SH3KBP1: variants seen among roughly 807,000 people sequenced by gnomAD.
SH3KBP1 encodes SH3 domain containing kinase binding protein 1, also known as SH3 domain-containing kinase-binding protein 1.
In SH3KBP1, 8 loss-of-function variants were observed where a neutral mutation model predicts 50.1. The observed-to-expected ratio is 0.16, with a 90% CI of 0.09 to 0.29. The LOEUF (loss-of-function observed/expected upper bound fraction) is 0.29, where lower values mean the gene tolerates loss of function less well. Ranked by LOEUF, SH3KBP1 falls within the 10% of genes least tolerant of loss-of-function variation. The probability of loss-of-function intolerance (pLI) is 1.00; values close to 1 mark genes in which losing one functional copy is unlikely to be tolerated. For missense variants in SH3KBP1, 377 were observed against 535.2 expected, an observed-to-expected ratio of 0.70 and a Z score of 2.92; for synonymous variants, 227 against 218.6, an observed-to-expected ratio of 1.04 and a Z score of -0.34.
chrX:19,582,035 C>T (rs1428921668), intron 12 of SH3KBP1, among the ~76,000 whole-genome samples: 1 of 111,219 alleles, frequency 9.0e-6, no homozygotes, highest in East Asian at 2.8e-4. Flanking sequence ...CTCCTACCCA[C>T]ATCCTGGTGT....
intron 5 of SH3KBP1, among the ~76,000 whole-genome samples, chrX:19,685,813 A>G (rs1261919241): frequency 2.7e-5 from 3 of 111,581 alleles, no homozygotes; most frequent in Admixed American, 9.5e-5. Context: ...TAAAGAAACC[A>G]TTAGTGGAAA....
intron 2 of SH3KBP1, among the ~76,000 whole-genome samples, chrX:19,751,414 T>C (rs2065062396): frequency 9.0e-6 from 1 of 111,329 alleles, no homozygotes; most frequent in Admixed American, 9.5e-5. Flanking sequence ...ATCTCAGTAG[T>C]AGAGGCCACA....
At chrX:19,689,951 G>A (rs985067903) in intron 5 of SH3KBP1, among the ~76,000 whole-genome samples, 3 of 111,133 alleles carry the variant, frequency 2.7e-5, no homozygotes, top group Non-Finnish European at 3.8e-5. Context: ...TGCAAGGGAC[G>A]CTGAGCAATC....
chrX:19,760,097 C>T (rs1431608858), intron 2 of SH3KBP1, among the ~76,000 whole-genome samples: 2 of 101,911 alleles, frequency 2.0e-5, no homozygotes. Flanking sequence ...CACACACACA[C>T]ACACACTTGG....
chrX:19,776,224 G>A (rs960230425), intron 2 of SH3KBP1, among the ~76,000 whole-genome samples: 3 of 111,649 alleles, frequency 2.7e-5, no homozygotes, highest in South Asian at 3.7e-4. Context: ...AGCCATAAGC[G>A]CCCTGTGCTG....
intron 3 of SH3KBP1, among the ~76,000 whole-genome samples, chrX:19,736,538 G>A (rs2064582160): frequency 8.9e-6 from 1 of 112,314 alleles, no homozygotes; most frequent in Non-Finnish European, 1.9e-5. Flanking sequence ...TCATGCACAG[G>A]CACATGCAGA....
Position 19,848,168 on chromosome X carries a change from G to A in SH3KBP1, c.5-11886C>T, listed in dbSNP as rs144668818. ...TAATCACATTCAGTCTCCAAATACC[G>A]TTTTTCACAAAAAGAAAGCCAGCTA... On this transcript the variant is annotated intron_variant, in intron 1 of 17. Transcript: ENST00000397821. Among the ~76,000 whole-genome samples the A allele has an allele frequency of 1.4e-3, 159 of 111,804 alleles. 1 individual carries two copies. The East Asian group carries it at 0.034, about 24-fold the overall frequency.
intron 2 of SH3KBP1, among the ~76,000 whole-genome samples, chrX:19,765,519 G>A (rs987140902): frequency 1.8e-5 from 2 of 111,095 alleles, no homozygotes; most frequent in African/African-American, 6.6e-5. Context: ...CACTAACTCT[G>A]ATCTTACTGC....
chrX:19,584,327 A>G (rs1246592766), intron 12 of SH3KBP1, among the ~76,000 whole-genome samples: 1 of 99,834 alleles, frequency 1.0e-5, no homozygotes, highest in Non-Finnish European at 2.0e-5. Context: ...ATAAATATAA[A>G]TACACATATA....
In SH3KBP1 at chrX:19,755,654, T is replaced by C. The variant is rs1405046393; in HGVS notation, c.163-9213A>G. ...GAGAGACAGAACGTCTCATATTGTT[T>C]TATACTGTTTTATACTCAGAAAAAG... On this transcript the variant is annotated intron_variant, in intron 2 of 17. Transcript: ENST00000397821. Among the ~76,000 whole-genome samples the C allele has an allele frequency of 8.1e-5, 9 of 111,575 alleles. No homozygotes were observed. In the Admixed American group the frequency reaches 8.5e-4, roughly 11 times the overall value.
intron 9 of SH3KBP1, among the ~76,000 whole-genome samples, chrX:19,602,732 T>TA (rs1221946704): frequency 2.7e-5 from 3 of 111,800 alleles, no homozygotes; most frequent in Non-Finnish European, 5.6e-5. Flanking sequence ...TGATTCTAAA[T>TA]AAAAATTAGG....
intron 3 of SH3KBP1, among the ~76,000 whole-genome samples, chrX:19,721,734 C>G (rs780459997): frequency 2.3e-4 from 26 of 111,634 alleles, no homozygotes; most frequent in Non-Finnish European, 3.2e-4. Flanking sequence ...TGCAGCGGCT[C>G]ACACCTATAA....
intron 13 of SH3KBP1, 123 bp downstream of exon 13, chrX:19,568,980 A>T: frequency 1.7e-6 from 1 of 585,862 alleles, no homozygotes; most frequent in Non-Finnish European, 2.9e-6. Context: ...AAAGCCAAGC[A>T]AGGGTGCCAG....
intron 1 of SH3KBP1, among the ~76,000 whole-genome samples, chrX:19,867,440 TAA>T (rs762189270): frequency 5.5e-4 from 62 of 112,178 alleles, no homozygotes; most frequent in African/African-American, 2.0e-3. Flanking sequence ...CAAAAATAAA[TAA>T]CTCATCCCCA....
intron 1 of SH3KBP1, among the ~76,000 whole-genome samples, chrX:19,885,529 T>TAG (rs1254798664): frequency 8.9e-6 from 1 of 112,014 alleles, no homozygotes. Flanking sequence ...TAGGAAGTTC[T>TAG]GAAGAATGAA....
chrX:19,683,598 T>C (rs1320735229), intron 6 of SH3KBP1, among the ~76,000 whole-genome samples: 2 of 110,873 alleles, frequency 1.8e-5, no homozygotes, highest in African/African-American at 3.3e-5. Context: ...AAGCATTCCC[T>C]AGAGAGATCA....
chrX:19,623,329 T>C (rs2067904543), intron 8 of SH3KBP1, among the ~76,000 whole-genome samples: 1 of 112,215 alleles, frequency 8.9e-6, no homozygotes, highest in Admixed American at 9.5e-5. Flanking sequence ...TATTTATTTG[T>C]CTGTTTTTCT....
intron 5 of SH3KBP1, among the ~76,000 whole-genome samples, chrX:19,685,853 C>G (rs1323160972): frequency 9.0e-6 from 1 of 111,428 alleles, no homozygotes; most frequent in Admixed American, 9.5e-5. Flanking sequence ...TCCCTCAGCA[C>G]GCTCCCCTCA....
chrX:19,790,499 G>A (rs924075897), intron 2 of SH3KBP1, among the ~76,000 whole-genome samples: 1 of 111,726 alleles, frequency 9.0e-6, no homozygotes, highest in Admixed American at 9.5e-5. Context: ...AAATACTTAC[G>A]TTCCAAACAC....
Sources: allele counts gnomAD v4.1 joint callset (sites outside exome capture counted in the v4.1 genomes callset), GRCh38; gene constraint gnomAD v4.1.1; transcripts MANE v1.5; gene names NCBI Gene and HGNC (gene_info 2026-07-23, HGNC 2026-07-21).